The following TRDMT1 variants were observed in gnomAD, a reference collection of about 807,000 sequenced individuals.
TRDMT1 encodes the protein tRNA aspartic acid methyltransferase 1.
TRDMT1 carries 49 observed loss-of-function variants against 51.2 expected under a neutral mutation model. The ratio of observed to expected loss-of-function variants is 0.96; its 90% CI spans 0.76 to 1.21. The LOEUF is 1.21. TRDMT1 is among the 50% of genes most tolerant of loss of function. The pLI is 0.00. For synonymous variants in TRDMT1, 187 were observed against 164.6 expected (o/e 1.14, Z -1.04); for missense variants, 534 against 462.3 (o/e 1.16, Z -1.42).
intron 1 of TRDMT1, among the ~76,000 whole-genome samples, chr10:17,180,975 T>C (rs1404100007): frequency 6.6e-6 from 1 of 152,252 alleles, no homozygotes; most frequent in Non-Finnish European, 1.5e-5. Flanking sequence ...GTTTTACTAA[T>C]GACTCAAAAA....
chr10:17,181,770 T>C (rs1409660208), intron 1 of TRDMT1, among the ~76,000 whole-genome samples: 1 of 152,212 alleles, frequency 6.6e-6, no homozygotes. Flanking sequence ...AATAGTGCTA[T>C]TGTCAGGCAG....
At chr10:17,180,774 CT>C (rs1843191058) in intron 1 of TRDMT1, among the ~76,000 whole-genome samples, 1 of 152,110 alleles carries the variant, frequency 6.6e-6, no homozygotes, top group Non-Finnish European at 1.5e-5. Flanking sequence ...CCATTTCAAA[CT>C]ACCTAGCAAA....
intron 8 of TRDMT1, among the ~76,000 whole-genome samples, chr10:17,156,178 C>CT (rs1244032988): frequency 6.6e-6 from 1 of 151,940 alleles, no homozygotes; most frequent in African/African-American, 2.4e-5. Flanking sequence ...ATACAACTAC[C>CT]TACCAAATGA....
intron 1 of TRDMT1, among the ~76,000 whole-genome samples, chr10:17,174,980 A>C (rs1842457107): frequency 6.6e-6 from 1 of 152,210 alleles, no homozygotes; most frequent in Non-Finnish European, 1.5e-5. Context: ...TCCTAAGTTA[A>C]AACAAACTAA....
intron 1 of TRDMT1, among the ~76,000 whole-genome samples, chr10:17,186,420 G>C (rs985981441): frequency 6.6e-6 from 1 of 152,116 alleles, no homozygotes; most frequent in Non-Finnish European, 1.5e-5. Context: ...TTTGGAGATG[G>C]AGTAGAGGTC....
At chr10:17,172,020 T>C (rs1842098351) in intron 2 of TRDMT1, 1 of 167,038 alleles carries the variant, frequency 6.0e-6, no homozygotes, top group South Asian at 2.1e-4. Flanking sequence ...CTCTACAGTA[T>C]GTAACTGGAG....
chr10:17,169,097 G>C (rs775167782), intron 2 of TRDMT1, among the ~76,000 whole-genome samples, 180 bp from the exon 3 acceptor site: 1 of 152,194 alleles, frequency 6.6e-6, no homozygotes. Context: ...AAGTGGGGCA[G>C]TAAACTGAAG....
At chr10:17,160,122 A>G (rs1840106937) in intron 6 of TRDMT1, among the ~76,000 whole-genome samples, 183 bp downstream of exon 6, 1 of 152,162 alleles carries the variant, frequency 6.6e-6, no homozygotes, top group African/African-American at 2.4e-5. Context: ...TAAAATATGT[A>G]TGAATGAATT....
chr10:17,178,677 G>GA (rs3054721), intron 1 of TRDMT1, among the ~76,000 whole-genome samples: 2,862 of 103,770 alleles, frequency 0.028, 108 homozygotes, highest in African/African-American at 0.079. Context: ...CTCTGTCTCG[G>GA]AAAAAAAAAA....
chr10:17,145,920 C>T lies in TRDMT1; in HGVS notation c.*3120G>A, dbSNP rs879372764. On this transcript the variant is annotated 3_prime_UTR_variant, in exon 11 of 11. Coordinates refer to ENST00000377799, the MANE Select transcript of TRDMT1 (RefSeq NM_004412.7). ...ATTTATCTTTAGTTCATTTCTCTCT[C>T]CTCAGAAGTCTCCAGCTTAATCACT... 29 of 985,316 alleles carry T rather than the reference C, an allele frequency of 2.9e-5. No individual in the cohort carries two copies. Among genetic ancestry groups the T allele is most frequent in the Non-Finnish European group, 3.4e-5 (28 of 829,944 alleles). The allele number at this position is 985,316 out of a possible 1,614,324, so 61.0% of individuals were successfully genotyped here.
chr10:17,177,919 T>C (rs1842814975), intron 1 of TRDMT1, among the ~76,000 whole-genome samples: 1 of 152,068 alleles, frequency 6.6e-6, no homozygotes, highest in African/African-American at 2.4e-5. Flanking sequence ...TAGTTATTAA[T>C]GTGGGAAAAA....
At chr10:17,154,967 C>T (rs577702601) in intron 8 of TRDMT1, among the ~76,000 whole-genome samples, 2 of 151,584 alleles carry the variant, frequency 1.3e-5, no homozygotes, top group South Asian at 2.1e-4. Flanking sequence ...TGTCTATAAT[C>T]CCAGCACTTT....
chr10:17,177,743 C>CACACACACACAT (rs1457253004), intron 1 of TRDMT1, among the ~76,000 whole-genome samples: 3 of 151,546 alleles, frequency 2.0e-5, no homozygotes, highest in Admixed American at 6.6e-5. Flanking sequence ...CACACACACA[C>CACACACACACAT]ACAGACATTT....
At chr10:17,185,466 T>C (rs990839436) in intron 1 of TRDMT1, among the ~76,000 whole-genome samples, 3 of 152,182 alleles carry the variant, frequency 2.0e-5, no homozygotes, top group Non-Finnish European at 4.4e-5. Context: ...TTTTACACTG[T>C]TGGTGGGACT....
At chr10:17,180,861 C>G (rs1843200660) in intron 1 of TRDMT1, among the ~76,000 whole-genome samples, 1 of 152,088 alleles carries the variant, frequency 6.6e-6, no homozygotes, top group African/African-American at 2.4e-5. Context: ...CATATTTTTC[C>G]TATTTCAGAA....
chr10:17,192,130 T>C (rs906142959), intron 1 of TRDMT1, among the ~76,000 whole-genome samples: 2 of 151,778 alleles, frequency 1.3e-5, no homozygotes, highest in South Asian at 2.1e-4. Flanking sequence ...GTGGTAAAGG[T>C]GAAAATGGAG....
intron 3 of TRDMT1, among the ~76,000 whole-genome samples, chr10:17,166,459 C>T (rs922327257): frequency 2.0e-5 from 3 of 151,824 alleles, no homozygotes; most frequent in Admixed American, 6.6e-5. Flanking sequence ...ACATGGCACA[C>T]GTATACATAT....
rs1486091977 is a variant in TRDMT1, at chr10:17,144,517, G to A, written c.*4523C>T. ...AGTCAAGTGTGGTGTACTTGAGGGA[G>A]ACTTCAGTAAGTGCTGGATGTGGCT... On this transcript the variant is annotated 3_prime_UTR_variant, in exon 11 of 11. Transcript: ENST00000377799. 1 of 985,720 alleles carries A rather than the reference G, an allele frequency of 1.0e-6. No homozygotes were observed. Among genetic ancestry groups the A allele is most frequent in the African/African-American group, 1.7e-5 (1 of 57,246 alleles). The allele number at this position is 985,720 out of a possible 1,614,324, so 61.1% of individuals were successfully genotyped here. A position where few individuals can be genotyped will look rare whatever the true frequency, so the allele number is the denominator to read the frequency against.
At chr10:17,177,733 C>CACAT (rs1263911166) in intron 1 of TRDMT1, among the ~76,000 whole-genome samples, 4 of 151,442 alleles carry the variant, frequency 2.6e-5, no homozygotes, top group Non-Finnish European at 5.9e-5. Context: ...CACACACACA[C>CACAT]ACACACACAC....
Sources: allele counts gnomAD v4.1 joint callset (sites outside exome capture counted in the v4.1 genomes callset), GRCh38; gene constraint gnomAD v4.1.1; transcripts MANE v1.5; gene names NCBI Gene and HGNC (gene_info 2026-07-23, HGNC 2026-07-21).